CDCP1: variants seen among roughly 807,000 people sequenced by gnomAD.
The protein encoded by CDCP1 is CUB domain containing protein 1, also known as CUB domain-containing protein 1.
CDCP1 carries 29 observed loss-of-function variants against 60.2 expected under a neutral mutation model. That is an observed-to-expected ratio of 0.48 (90% CI 0.36 to 0.66). CDCP1 has a LOEUF of 0.66. Among genes scored for constraint, CDCP1 ranks in the 30% least tolerant of loss-of-function variants. CDCP1 has a pLI of 0.00. For missense variants in CDCP1, 876 were observed against 1,074.3 expected (o/e 0.82, Z 2.58); for synonymous variants, 387 against 431.1 (o/e 0.90, Z 1.27).
rs75848277 is a variant in CDCP1, at chr3:45,128,274, G to A, written c.83-9653C>T. 9.8e-4 allele frequency among the ~76,000 whole-genome samples: 150 copies of A among 152,352 alleles called. 2 individuals are homozygous for A. In the East Asian group the frequency reaches 0.019, roughly 19 times the overall value. On this transcript the variant is annotated intron_variant, in intron 1 of 8. Transcript: ENST00000296129. The stretch of plus-strand genomic sequence containing the variant: ...TAGGACAAGGGCATGCACAGTGCAG[G>A]TGGGAAGTGCAGAGACAACTTGCTG...
intron 7 of CDCP1, among the ~76,000 whole-genome samples, chr3:45,089,766 A>G (rs1195155219): frequency 6.6e-6 from 1 of 152,220 alleles, no homozygotes; most frequent in Non-Finnish European, 1.5e-5. Context: ...GATCAACTTC[A>G]AAGGCTACTC....
At chr3:45,135,889 T>C (rs1317912731) in intron 1 of CDCP1, among the ~76,000 whole-genome samples, 2 of 152,190 alleles carry the variant, frequency 1.3e-5, no homozygotes, top group African/African-American at 4.8e-5. Context: ...AGGGTCTTCG[T>C]TGAATTAGAG....
chr3:45,125,841 G>A (rs1299173272), intron 1 of CDCP1, among the ~76,000 whole-genome samples: 1 of 152,204 alleles, frequency 6.6e-6, no homozygotes, highest in Non-Finnish European at 1.5e-5. Context: ...CCTAGCCATG[G>A]CCCTGGCCCT....
chr3:45,110,185 A>G (rs1461551648), intron 4 of CDCP1: 18 of 1,268,250 alleles, frequency 1.4e-5, no homozygotes, highest in Non-Finnish European at 1.7e-5. Flanking sequence ...GGGTCAAGAC[A>G]TAAGATCTAG....
intron 1 of CDCP1, among the ~76,000 whole-genome samples, chr3:45,136,254 G>A (rs1383460951): frequency 1.3e-5 from 2 of 152,062 alleles, no homozygotes; most frequent in African/African-American, 4.8e-5. Context: ...GTGGGTGGGT[G>A]GAAGAAAAAA....
chr3:45,087,791 G>A (rs554941985), intron 8 of CDCP1, among the ~76,000 whole-genome samples: 54 of 152,146 alleles, frequency 3.5e-4, no homozygotes, highest in Middle Eastern at 3.4e-3. Context: ...AGGCCGAGGC[G>A]GGTGGATCAC....
At chr3:45,097,335 GA>G (rs1475150423) in intron 4 of CDCP1, among the ~76,000 whole-genome samples, 15 of 150,898 alleles carry the variant, frequency 9.9e-5, no homozygotes, top group African/African-American at 3.4e-4. Context: ...AGAAAGAAAA[GA>G]AAAGAAAAAA....
intron 2 of CDCP1, among the ~76,000 whole-genome samples, chr3:45,116,623 C>T (rs1323781787): frequency 2.0e-5 from 3 of 152,188 alleles, no homozygotes; most frequent in Admixed American, 6.5e-5. Flanking sequence ...CACCTACTAT[C>T]GGACCTTATC....
At position 45,131,668 on chromosome 3, in the gene CDCP1, T is replaced by C. The variant is rs1487202153; in HGVS notation, c.83-13047A>G. On this transcript the variant is annotated intron_variant, in intron 1 of 8. Coordinates refer to ENST00000296129, the MANE Select transcript of CDCP1 (RefSeq NM_022842.5). ...GCCTCAAATTCATATATATTCACAGTAATCCCCTGGATTACTATGGAAGGG... is the reference window on the plus strand; with the variant it reads ...GCCTCAAATTCATATATATTCACAGCAATCCCCTGGATTACTATGGAAGGG... Among the ~76,000 whole-genome samples the C allele has an allele frequency of 3.9e-5, 6 of 152,192 alleles. No homozygotes were observed. The East Asian group carries it at 7.7e-4, about 20-fold the overall frequency.
At chr3:45,125,888 C>T (rs1457038384) in intron 1 of CDCP1, among the ~76,000 whole-genome samples, 2 of 152,216 alleles carry the variant, frequency 1.3e-5, no homozygotes, top group Non-Finnish European at 2.9e-5. Flanking sequence ...TACATGTTGA[C>T]TCATGTGACT....
At chr3:45,088,284 C>G (rs367708692) in intron 8 of CDCP1, among the ~76,000 whole-genome samples, 1 of 151,724 alleles carries the variant, frequency 6.6e-6, no homozygotes, top group African/African-American at 2.4e-5. Flanking sequence ...GCGTTTAAGA[C>G]CAATCTGGCC....
rs1158664797 is a variant in CDCP1 at position 45,087,883 on chromosome 3, G to A, written c.2081+1171C>T. Among the ~76,000 whole-genome samples, 14 of 152,152 alleles carry A rather than the reference G, an allele frequency of 9.2e-5. 1 individual carries two copies. The highest frequency in any genetic ancestry group is 6.2e-4 in the South Asian group (3 of 4,828). ...AAATACAAAAAAAAATTAGCTGGGC[G>A]TGGTGGCGGGTGCCTGTAGTCCCAG... On this transcript the variant is annotated intron_variant, in intron 8 of 8. Transcript: ENST00000296129.
rs780490229 is a variant in CDCP1 at position 45,086,001 on chromosome 3, C to T, written c.2148G>A (p.Pro716=). ...IYNDNINTEM[P]RQPKKFQKGR... ...CTTTCTGAAACTTTTTTGGCTGCCT[C>T]GGCATCTCAGTATTGATGTTGTCAT... Residue 716 remains proline (P), a synonymous_variant, in exon 9 of 9, where the codon CCG becomes CCA. Coordinates refer to ENST00000296129, the MANE Select transcript of CDCP1 (RefSeq NM_022842.5). 22 of 1,614,030 alleles carry T rather than the reference C, an allele frequency of 1.4e-5. No homozygotes were observed. The highest frequency in any genetic ancestry group is 1.6e-4 in the Middle Eastern group (1 of 6,084).
chr3:45,110,873 T>C (rs368822048), intron 3 of CDCP1, 32 bp from the exon 4 acceptor site: 21 of 1,587,488 alleles, frequency 1.3e-5, no homozygotes, highest in Admixed American at 5.1e-5. Context: ...CCAGAAAGAA[T>C]AGGGAGCCAT....
At chr3:45,096,103 G>A (rs1698392969) in intron 4 of CDCP1, among the ~76,000 whole-genome samples, 1 of 152,238 alleles carries the variant, frequency 6.6e-6, no homozygotes, top group African/African-American at 2.4e-5. Flanking sequence ...ACAGGAAACA[G>A]GCCCTTTGGC....
intron 1 of CDCP1, among the ~76,000 whole-genome samples, chr3:45,130,187 T>C (rs1313712202): frequency 6.6e-6 from 1 of 151,764 alleles, no homozygotes; most frequent in East Asian, 1.9e-4. Flanking sequence ...AGTGGTGTGA[T>C]CTTGGCTCAC....
chr3:45,126,815 C>A (rs369011167), intron 1 of CDCP1, among the ~76,000 whole-genome samples: 162 of 152,346 alleles, frequency 1.1e-3, no homozygotes, highest in South Asian at 2.1e-3. Context: ...TAAATCCCCA[C>A]AACCACTCCA....
chr3:45,113,467 G>A (rs760257779), intron 2 of CDCP1, among the ~76,000 whole-genome samples: 1 of 152,174 alleles, frequency 6.6e-6, no homozygotes, highest in Non-Finnish European at 1.5e-5. Context: ...TTTTGAGCAG[G>A]GGGCATCTGA....
chr3:45,103,120 C>G (rs1256284217), intron 4 of CDCP1, among the ~76,000 whole-genome samples: 1 of 152,140 alleles, frequency 6.6e-6, no homozygotes, highest in African/African-American at 2.4e-5. Flanking sequence ...CCTTTGTGCT[C>G]TTTTCCAGTC....
Sources: allele counts gnomAD v4.1 joint callset (sites outside exome capture counted in the v4.1 genomes callset), GRCh38; gene constraint gnomAD v4.1.1; transcripts MANE v1.5; gene names NCBI Gene and HGNC (gene_info 2026-07-23, HGNC 2026-07-21).